GCKR: variants seen among roughly 807,000 people sequenced by gnomAD.
GCKR encodes the protein glucokinase regulator, also known as glucokinase regulatory protein.
In GCKR, 73 loss-of-function variants were observed where a neutral mutation model predicts 82.9. The ratio of observed to expected loss-of-function variants is 0.88; its 90% CI spans 0.73 to 1.07. The LOEUF (loss-of-function observed/expected upper bound fraction) is 1.07. Ranked by LOEUF, GCKR falls within the 50% of genes least tolerant of loss-of-function variation. The probability of loss-of-function intolerance (pLI) is 0.00; values close to 1 mark genes in which losing one functional copy is unlikely to be tolerated. For missense variants in GCKR, 784 were observed against 782.1 expected (o/e 1.00, Z -0.03); for synonymous variants, 294 against 291.8 (o/e 1.01, Z -0.08).
chr2:27,502,507 T>A (rs1669609491), intron 8 of GCKR, among the ~76,000 whole-genome samples: 1 of 152,132 alleles, frequency 6.6e-6, no homozygotes, highest in African/African-American at 2.4e-5. Flanking sequence ...AATGGGTAGT[T>A]ATTAAAAAAC....
intron 16 of GCKR, among the ~76,000 whole-genome samples, chr2:27,510,786 G>A (rs1669863412): frequency 2.0e-5 from 3 of 151,316 alleles, no homozygotes; most frequent in African/African-American, 7.3e-5. Flanking sequence ...ACTGCTTCTT[G>A]TCTTTTGGGT....
At chr2:27,512,108 T>G (rs1182056618) in intron 16 of GCKR, among the ~76,000 whole-genome samples, 2 of 151,268 alleles carry the variant, frequency 1.3e-5, no homozygotes, top group Non-Finnish European at 2.9e-5. Flanking sequence ...GCGTGGTGGC[T>G]TGGACCTGTA....
rs759053453 is a variant in GCKR at position 27,498,770 on chromosome 2, A to G, written c.401A>G (p.Tyr134Cys). The G allele has an allele frequency of 1.9e-6, 3 of 1,607,440 alleles. No homozygotes were observed. The highest frequency in any genetic ancestry group is 2.6e-6 in the Non-Finnish European group (3 of 1,173,978). The part of the protein sequence containing the change: ...LMKGLGQKPL[Y>C]TYLIAGGDRS... ...AAAGGTCTGGGACAGAAACCTCTTT[A>G]CACCTACCTCATTGCAGGTGGTGAC... Residue 134 changes from tyrosine to cysteine, a missense_variant, in exon 5 of 19, where the codon TAC becomes TGC. By Grantham distance (194) the Tyr-to-Cys change is radical. Coordinates refer to ENST00000264717, the MANE Select transcript of GCKR (RefSeq NM_001486.4).
rs1308326023 is a variant in GCKR, at chr2:27,508,258, G to A, written c.1422+7G>A. ...TGAAGGGAACTTCATCCAGGTATGG[G>A]GAATGAGAAGGTCCTATCTGCAGTA... On this transcript the variant is annotated splice_region_variant and intron_variant, in intron 16 of 18. Coordinates refer to ENST00000264717, the MANE Select transcript of GCKR (RefSeq NM_001486.4). 3.3e-6 allele frequency: 5 copies of A among 1,531,156 alleles called. No homozygotes were observed. The highest frequency in any genetic ancestry group is 1.7e-4 in the Middle Eastern group (1 of 5,940). 94.8% of individuals were successfully genotyped at this position (1,531,156 alleles called of 1,614,324 possible). A position where few individuals can be genotyped will look rare whatever the true frequency, so the allele number is the denominator to read the frequency against.
intron 9 of GCKR, among the ~76,000 whole-genome samples, chr2:27,505,173 A>G (rs531874752): frequency 1.2e-4 from 17 of 144,548 alleles, no homozygotes; most frequent in Non-Finnish European, 2.0e-4. Context: ...GAGGTGGGCG[A>G]ATCACGAGGT....
In GCKR at chr2:27,497,398, A is replaced by C. The variant is rs761056873; in HGVS notation, c.215A>C (p.Gln72Pro). ...QEEGQALSTY[Q>P]RLYSESILTT... is the part of the protein sequence containing the mutation. ...GAGGGGCAAGCCCTGTCCACATACC[A>C]GGTAACCAAGACCCAAGACCTGGAC... Residue 72 changes from glutamine (Q) to proline (P), a missense_variant and splice_region_variant, in exon 2 of 19, where the codon CAG becomes CCG. By Grantham distance (76) the Gln-to-Pro change is moderately conservative. Coordinates refer to ENST00000264717, the MANE Select transcript of GCKR (RefSeq NM_001486.4). 1 of 1,613,240 alleles carries C rather than the reference A, an allele frequency of 6.2e-7. No individual in the cohort carries two copies. Among genetic ancestry groups the C allele is most frequent in the Non-Finnish European group, 8.5e-7 (1 of 1,180,030 alleles).
chr2:27,505,125 C>CAA (rs146563052), intron 9 of GCKR, among the ~76,000 whole-genome samples: 369 of 25,280 alleles, frequency 0.015, 20 homozygotes, highest in African/African-American at 0.026. Context: ...GACTCCATCT[C>CAA]AAAAAAAAAA....
chr2:27,507,261 A>C lies in GCKR; in HGVS notation c.1093A>C (p.Ile365Leu). 6.2e-7 allele frequency: 1 copy of C among 1,612,776 alleles called. No individual in the cohort carries two copies. The highest frequency in any genetic ancestry group is 8.5e-7 in the Non-Finnish European group (1 of 1,178,822). ...ADFRDVRGFL[I>L]GDHSDMFNQK... Reference sequence around the variant, plus strand: ...TTTCCGAGATGTCCGTGGCTTTCTCATTGGTGATCACAGTGACATGTTTAA... The same window carrying C: ...TTTCCGAGATGTCCGTGGCTTTCTCCTTGGTGATCACAGTGACATGTTTAA... Residue 365 changes from isoleucine to leucine, a missense_variant, in exon 13 of 19, where the codon ATT becomes CTT. Coordinates refer to ENST00000264717, the MANE Select transcript of GCKR (RefSeq NM_001486.4).
At chr2:27,522,621 A>G in intron 18 of GCKR, 27 bp downstream of exon 18, 1 of 1,599,702 alleles carries the variant, frequency 6.3e-7, no homozygotes, top group Non-Finnish European at 8.6e-7. Flanking sequence ...TGGTCATTCA[A>G]CAAATACTTT....
At chr2:27,501,084 C>G in intron 7 of GCKR, 51 bp from the exon 8 acceptor site, 1 of 1,231,354 alleles carries the variant, frequency 8.1e-7, no homozygotes, top group South Asian at 1.2e-5. Flanking sequence ...CCTTGGGCAC[C>G]ACTCAGAGTA....
At chr2:27,506,439 G>A in intron 10 of GCKR, 42 bp from the exon 11 acceptor site, 1 of 1,306,814 alleles carries the variant, frequency 7.7e-7, no homozygotes, top group Non-Finnish European at 1.1e-6. Context: ...CTTTCTGAGG[G>A]GGAATTGGGC....
At chr2:27,507,604 A>C in intron 13 of GCKR, 77 bp from the exon 14 acceptor site, 1 of 823,486 alleles carries the variant, frequency 1.2e-6, no homozygotes, top group East Asian at 2.4e-5. Context: ...GATCTCCTCC[A>C]CGGCCCCCTT....
rs201522112 is a variant in GCKR, at chr2:27,496,895, G to A, written c.-10G>A. 6.2e-5 allele frequency: 100 copies of A among 1,612,332 alleles called. No homozygotes were observed. In the African/African-American group the frequency reaches 1.0e-3, roughly 17 times the overall value. On this transcript the variant is annotated 5_prime_UTR_variant, in exon 1 of 19. Transcript: ENST00000264717. ...AGGCAGGAGGAACAGTGTATCCACA[G>A]CGTGGGACCATGCCAGGCACAAAAC... is the stretch of plus-strand genomic sequence containing the variant.
chr2:27,521,752 G>A (rs1343115027), intron 17 of GCKR, among the ~76,000 whole-genome samples: 1 of 150,898 alleles, frequency 6.6e-6, no homozygotes, highest in African/African-American at 2.4e-5. Context: ...AGGGTCTCAC[G>A]CTGTTACCCA....
rs1343953503 is a variant in GCKR, at chr2:27,522,679, A to G, written c.1707+85A>G. 4.3e-6 allele frequency: 5 copies of G among 1,150,290 alleles called. No homozygotes were observed. The East Asian group carries it at 9.3e-5, about 21-fold the overall frequency. 71.3% of individuals were successfully genotyped at this position (1,150,290 alleles called of 1,614,324 possible). A position where few individuals can be genotyped will look rare whatever the true frequency, so the allele number is the denominator to read the frequency against. On this transcript the variant is annotated intron_variant, in intron 18 of 18. Transcript: ENST00000264717. ...GAAGTTTGTTCGGCACTGGGTTTAC[A>G]AAGCTCAGTGGCACTCTGCTCACAA...
At chr2:27,497,128 G>A (rs1342168926) in intron 1 of GCKR, 116 bp from the exon 2 acceptor site, 6 of 1,263,758 alleles carry the variant, frequency 4.7e-6, no homozygotes, top group Non-Finnish European at 3.5e-6. Flanking sequence ...GGTGTGGTAT[G>A]TGTGTGCGTG....
intron 17 of GCKR, among the ~76,000 whole-genome samples, chr2:27,520,552 C>T (rs984564903): frequency 3.9e-5 from 6 of 152,192 alleles, no homozygotes; most frequent in South Asian, 2.1e-4. Context: ...GCTAGACCTG[C>T]GCTGTCCAAA....
chr2:27,498,739 C>A lies in GCKR; in HGVS notation c.370C>A (p.Leu124Met). 6.2e-7 allele frequency: 1 copy of A among 1,603,480 alleles called. No individual in the cohort carries two copies. Among genetic ancestry groups the A allele is most frequent in the Non-Finnish European group, 8.5e-7 (1 of 1,170,380 alleles). Residue 124 changes from leucine (L) to methionine (M), a missense_variant, in exon 5 of 19, where the codon CTG becomes ATG. By Grantham distance (15) the Leu-to-Met change is conservative. Transcript: ENST00000264717. ...AFLMSVSFNQ[L>M]MKGLGQKPLY... ...TGCTTGACAGGTGTCCTTTAATCAG[C>A]TGATGAAAGGTCTGGGACAGAAACC...
chr2:27,522,319 C>T (rs923659572), intron 17 of GCKR, 141 bp from the exon 18 acceptor site: 8 of 827,066 alleles, frequency 9.7e-6, no homozygotes, highest in Non-Finnish European at 1.4e-5. Context: ...GGATTGCCAA[C>T]ATGGACAAAT....
Sources: gnomAD v4.1 joint callset for allele counts (sites outside exome capture counted in the v4.1 genomes callset) on GRCh38, gnomAD v4.1.1 for gene constraint, MANE v1.5 for transcripts, NCBI Gene and HGNC (gene_info 2026-07-23, HGNC 2026-07-21) for gene names.